ADGRB3: variants seen among roughly 807,000 people sequenced by gnomAD.
ADGRB3 encodes adhesion G protein-coupled receptor B3.
ADGRB3 carries 37 observed loss-of-function variants against 193.4 expected under a neutral mutation model. That is an observed-to-expected ratio of 0.19 (90% CI 0.15 to 0.25). The LOEUF (loss-of-function observed/expected upper bound fraction) is 0.25, where lower values mean the gene tolerates loss of function less well. Among genes scored for constraint, ADGRB3 ranks in the 10% least tolerant of loss-of-function variants. The pLI is 1.00. For synonymous variants in ADGRB3, 690 were observed against 644.2 expected (o/e 1.07, Z -1.08); for missense variants, 1,637 against 1,852.9 (o/e 0.88, Z 2.14).
At chr6:69,329,945 T>A (rs1768678916) in intron 22 of ADGRB3, among the ~76,000 whole-genome samples, 1 of 152,218 alleles carries the variant, frequency 6.6e-6, no homozygotes, top group Non-Finnish European at 1.5e-5. Flanking sequence ...AAAGCTTATC[T>A]TTAGAGAATT....
intron 17 of ADGRB3, among the ~76,000 whole-genome samples, chr6:69,214,324 A>G (rs1474837177): frequency 3.3e-5 from 5 of 152,100 alleles, no homozygotes; most frequent in Non-Finnish European, 7.4e-5. Context: ...GGTACCTGAT[A>G]TGGCTTTTCA....
At chr6:68,881,706 A>G (rs1765737425) in intron 3 of ADGRB3, among the ~76,000 whole-genome samples, 1 of 152,192 alleles carries the variant, frequency 6.6e-6, no homozygotes, top group Non-Finnish European at 1.5e-5. Flanking sequence ...ACTGTGGAAC[A>G]CTTTAGTGTT....
intron 3 of ADGRB3, among the ~76,000 whole-genome samples, chr6:68,721,798 C>T (rs1482269800): frequency 6.6e-6 from 1 of 150,592 alleles, no homozygotes; most frequent in Non-Finnish European, 1.5e-5. Flanking sequence ...GGTGGCAATC[C>T]CTAGTATTCA....
intron 23 of ADGRB3, among the ~76,000 whole-genome samples, chr6:69,331,039 T>C (rs1768715740): frequency 6.6e-6 from 1 of 152,164 alleles, no homozygotes; most frequent in Non-Finnish European, 1.5e-5. Context: ...GTTTGTTTGT[T>C]GCAGAGGCCG....
At chr6:69,004,937 T>C (rs530597615) in intron 11 of ADGRB3, among the ~76,000 whole-genome samples, 2 of 152,252 alleles carry the variant, frequency 1.3e-5, no homozygotes, top group African/African-American at 2.4e-5. Context: ...GCCTGTAGTC[T>C]TGTAAGGGTC....
chr6:68,928,399 A>T (rs1344667661), intron 3 of ADGRB3, among the ~76,000 whole-genome samples: 2 of 151,978 alleles, frequency 1.3e-5, no homozygotes, highest in Non-Finnish European at 2.9e-5. Flanking sequence ...GGCATGGTGG[A>T]TGGTGCTTGT....
At chr6:69,107,136 C>G (rs543242531) in intron 17 of ADGRB3, among the ~76,000 whole-genome samples, 1 of 152,220 alleles carries the variant, frequency 6.6e-6, no homozygotes, top group Non-Finnish European at 1.5e-5. Flanking sequence ...AAACAATAGC[C>G]ACTATGACTA....
chr6:69,016,082 T>C (rs545550638), intron 12 of ADGRB3, among the ~76,000 whole-genome samples: 25 of 152,064 alleles, frequency 1.6e-4, no homozygotes, highest in African/African-American at 6.0e-4. Flanking sequence ...CCACACCCAT[T>C]CATTTACCTA....
At chr6:68,758,786 T>G (rs2127350212) in intron 3 of ADGRB3, among the ~76,000 whole-genome samples, 2 of 152,282 alleles carry the variant, frequency 1.3e-5, no homozygotes, top group South Asian at 2.1e-4. Flanking sequence ...GGCATTTATG[T>G]TGTTCAGCTT....
intron 11 of ADGRB3, among the ~76,000 whole-genome samples, chr6:69,012,412 C>A (rs943634260): frequency 6.6e-6 from 1 of 151,948 alleles, no homozygotes; most frequent in East Asian, 1.9e-4. Flanking sequence ...TCATTAGCAC[C>A]ATGTCCCCTA....
At chr6:68,699,528 T>C (rs1765208012) in intron 3 of ADGRB3, among the ~76,000 whole-genome samples, 1 of 151,892 alleles carries the variant, frequency 6.6e-6, no homozygotes, top group Non-Finnish European at 1.5e-5. Flanking sequence ...TAGTTGTTGG[T>C]ACTTGATTGA....
chr6:68,683,060 T>C (rs1272205872), intron 3 of ADGRB3, among the ~76,000 whole-genome samples: 2 of 152,056 alleles, frequency 1.3e-5, no homozygotes, highest in African/African-American at 4.8e-5. Flanking sequence ...GCTGGGATTA[T>C]AGGCATGAGC....
In ADGRB3 at chr6:68,907,358, T is replaced by A. The variant is rs926946684; in HGVS notation, c.758-23201T>A. ...CACATTTAAATGATTTGTTTCTTTT[T>A]TCATTGTTTGTTGTATAAATTCTTT... On this transcript the variant is annotated intron_variant, in intron 3 of 31. Transcript: ENST00000370598. Among the ~76,000 whole-genome samples the A allele has an allele frequency of 3.1e-4, 47 of 151,970 alleles. 1 individual carries two copies. Among genetic ancestry groups the A allele is most frequent in the Admixed American group, 1.2e-3 (19 of 15,244 alleles).
At chr6:69,186,473 A>G (rs1200553659) in intron 17 of ADGRB3, among the ~76,000 whole-genome samples, 1 of 152,076 alleles carries the variant, frequency 6.6e-6, no homozygotes, top group Non-Finnish European at 1.5e-5. Flanking sequence ...TCTACCAAGT[A>G]TAGAACGAGA....
intron 28 of ADGRB3, among the ~76,000 whole-genome samples, chr6:69,357,120 C>T (rs941497417): frequency 7.2e-5 from 11 of 151,910 alleles, no homozygotes; most frequent in African/African-American, 2.4e-4. Context: ...CTCTGAGGCA[C>T]GATGCCCAAG....
intron 3 of ADGRB3, among the ~76,000 whole-genome samples, chr6:68,706,608 T>A (rs1765329516): frequency 6.6e-6 from 1 of 152,224 alleles, no homozygotes; most frequent in African/African-American, 2.4e-5. Flanking sequence ...TTACTTAATA[T>A]TTCTATGCAT....
At chr6:68,972,473 C>T (rs910899722) in intron 8 of ADGRB3, among the ~76,000 whole-genome samples, 1 of 152,104 alleles carries the variant, frequency 6.6e-6, no homozygotes, top group African/African-American at 2.4e-5. Flanking sequence ...CCAACCTCCC[C>T]CTCCTGCACT....
chr6:69,191,175 A>C (rs2150354873), intron 17 of ADGRB3, among the ~76,000 whole-genome samples: 1 of 152,296 alleles, frequency 6.6e-6, no homozygotes, highest in African/African-American at 2.4e-5. Context: ...TTACACATGT[A>C]GTTATAATAA....
Position 69,388,924 on chromosome 6 carries a change from C to G in ADGRB3, c.*33C>G. 1.3e-6 allele frequency: 2 copies of G among 1,580,448 alleles called. No homozygotes were observed. The highest frequency in any genetic ancestry group is 1.7e-6 in the Non-Finnish European group (2 of 1,161,348). On this transcript the variant is annotated 3_prime_UTR_variant, in exon 32 of 32. Transcript: ENST00000370598. ...AAAATGGACTAAGGTAGAGACAAAA[C>G]TTTATTGCACTGACACTTAAGACTT...
Sources: allele counts gnomAD v4.1 joint callset (sites outside exome capture counted in the v4.1 genomes callset), GRCh38; gene constraint gnomAD v4.1.1; transcripts MANE v1.5; gene names NCBI Gene and HGNC (gene_info 2026-07-23, HGNC 2026-07-21).